The following ZNF831 variants were observed in gnomAD, a reference collection of about 807,000 sequenced individuals.
ZNF831 encodes zinc finger protein 831.
ZNF831 carries 59 observed loss-of-function variants against 95.8 expected under a neutral mutation model. The ratio of observed to expected loss-of-function variants is 0.62; its 90% confidence interval spans 0.50 to 0.77. The LOEUF (loss-of-function observed/expected upper bound fraction) is 0.77, where lower values mean the gene tolerates loss of function less well. Ranked by LOEUF, ZNF831 falls within the 30% of genes least tolerant of loss-of-function variation. The probability of loss-of-function intolerance (pLI) is 0.00; values close to 1 mark genes in which losing one functional copy is unlikely to be tolerated. For synonymous variants in ZNF831, 961 were observed against 925.5 expected (o/e 1.04, Z -0.70); for missense variants, 2,205 against 2,164.0 (o/e 1.02, Z -0.38).
chr20:59,191,194 C>A lies in ZNF831; in HGVS notation c.175C>A (p.Pro59Thr). 6.3e-7 allele frequency: 1 copy of A among 1,592,706 alleles called. No homozygotes were observed. The highest frequency in any genetic ancestry group is 8.5e-7 in the Non-Finnish European group (1 of 1,172,620). Residue 59 changes from proline (P) to threonine (T), a missense_variant, in exon 2 of 6, where the codon CCC becomes ACC. By Grantham distance (38) the Pro-to-Thr change is conservative (BLOSUM62 -1). Coordinates refer to ENST00000371030, the MANE Select transcript of ZNF831 (RefSeq NM_178457.3). Reference protein sequence around the residue: ...APPTVFLKALPIPLYHTVPPG... With the variant: ...APPTVFLKALTIPLYHTVPPG... ...CCCCACTGTGTTCCTGAAGGCCCTG[C>A]CCATCCCACTGTACCACACGGTGCC... is the stretch of plus-strand genomic sequence containing the variant.
chr20:59,258,484 T>A lies in ZNF831; in HGVS notation c.*3741T>A, dbSNP rs553141000. 1.3e-5 allele frequency: 2 copies of A among 152,754 alleles called. No individual in the cohort carries two copies. The highest frequency in any genetic ancestry group is 4.8e-5 in the African/African-American group (2 of 41,572). 9.5% of individuals were successfully genotyped at this position (152,754 alleles called of 1,614,324 possible). On this transcript the variant is annotated 3_prime_UTR_variant, in exon 6 of 6. Coordinates refer to ENST00000371030, the MANE Select transcript of ZNF831 (RefSeq NM_178457.3). ...CACAGAATTTGCCTGGTGCAGCAGATCTTTATAGTTATGGAAACTGTCATC... is the reference window on the plus strand; with the variant it reads ...CACAGAATTTGCCTGGTGCAGCAGAACTTTATAGTTATGGAAACTGTCATC...
rs2146545877 is a variant in ZNF831, at chr20:59,191,310, T to A, written c.291T>A (p.Pro97=). Residue 97 remains proline, a synonymous_variant, in exon 2 of 6, where the codon CCT becomes CCA. Transcript: ENST00000371030. ...VPFILSPVLQ[P]EGPGPTQVGK... ...TCATACTCAGCCCTGTGCTGCAGCC[T>A]GAAGGGCCTGGCCCCACCCAGGTGG... is the stretch of plus-strand genomic sequence containing the variant. The A allele has an allele frequency of 6.3e-7, 1 of 1,595,030 alleles. No homozygotes were observed. Among genetic ancestry groups the A allele is most frequent in the Non-Finnish European group, 8.5e-7 (1 of 1,170,882 alleles).
chr20:59,161,308 C>T (rs536403690), upstream of ZNF831, among the ~76,000 whole-genome samples: 173 of 152,096 alleles, frequency 1.1e-3, no homozygotes, highest in Non-Finnish European at 2.0e-3. Context: ...GATGGAGTCC[C>T]GCTCTGTAGT....
intron 4 of ZNF831, among the ~76,000 whole-genome samples, chr20:59,245,356 A>G (rs1471836914): frequency 1.3e-5 from 2 of 152,166 alleles, no homozygotes; most frequent in Non-Finnish European, 2.9e-5. Flanking sequence ...AGTTGGCTGG[A>G]GCTAGGGGTC....
Position 59,257,509 on chromosome 20 carries a change from G to A in ZNF831, c.*2766G>A, listed in dbSNP as rs537037098. On this transcript the variant is annotated 3_prime_UTR_variant, in exon 6 of 6. Coordinates refer to ENST00000371030, the MANE Select transcript of ZNF831 (RefSeq NM_178457.3). ...TTCTTAAAGTGAAATACAATTATAA[G>A]AATACATTTTAAGGGTAACATTAAC... 6.6e-6 allele frequency: 1 copy of A among 152,046 alleles called. No homozygotes were observed. The highest frequency in any genetic ancestry group is 2.1e-4 in the South Asian group (1 of 4,814). 9.4% of individuals were successfully genotyped at this position (152,046 alleles called of 1,614,324 possible).
chr20:59,136,957 G>C (rs1020109236), intron 1 of ZNF831, among the ~76,000 whole-genome samples: 1 of 152,168 alleles, frequency 6.6e-6, no homozygotes, highest in Non-Finnish European at 1.5e-5. Flanking sequence ...AAGGGAAGGG[G>C]TGCATCCACC....
chr20:59,200,516 A>C (rs1216878476), intron 3 of ZNF831, among the ~76,000 whole-genome samples: 1 of 152,176 alleles, frequency 6.6e-6, no homozygotes, highest in Non-Finnish European at 1.5e-5. Flanking sequence ...TAAAACATAC[A>C]ATTAAATAAA....
In ZNF831 at chr20:59,191,412, G is replaced by T. The variant is rs200287773; in HGVS notation, c.393G>T (p.Thr131=). 5.9e-4 allele frequency: 950 copies of T among 1,611,016 alleles called. 2 individuals carry two copies. The highest frequency in any genetic ancestry group is 7.6e-4 in the Non-Finnish European group (899 of 1,179,072). The part of the protein sequence containing the change: ...LPVLSPGLGP[T]LGSPGKVRNA... The stretch of plus-strand genomic sequence containing the variant: ...TCCTGTCGCCGGGCCTGGGCCCCAC[G>T]CTGGGCAGCCCAGGCAAGGTGCGGA... Residue 131 remains threonine (T), a synonymous_variant, in exon 2 of 6, where the codon ACG becomes ACT. Transcript: ENST00000371030.
At chr20:59,134,374 C>T (rs1264531052) in intron 1 of ZNF831, among the ~76,000 whole-genome samples, 1 of 152,174 alleles carries the variant, frequency 6.6e-6, no homozygotes, top group Non-Finnish European at 1.5e-5. Context: ...TCACCCAGCA[C>T]CAAGGACAGT....
upstream of ZNF831, among the ~76,000 whole-genome samples, chr20:59,159,466 A>C (rs1166817321): frequency 1.3e-5 from 2 of 152,176 alleles, no homozygotes; most frequent in African/African-American, 4.8e-5. Context: ...AACATCGCTG[A>C]GGTGGCCCTG....
At chr20:59,247,007 T>C (rs1600684219) in intron 4 of ZNF831, among the ~76,000 whole-genome samples, 1 of 152,222 alleles carries the variant, frequency 6.6e-6, no homozygotes, top group South Asian at 2.1e-4. Context: ...CTTCCATCAT[T>C]TTTAGCCATT....
chr20:59,189,144 G>A (rs950010308), intron 1 of ZNF831, among the ~76,000 whole-genome samples: 1 of 151,228 alleles, frequency 6.6e-6, no homozygotes, highest in Non-Finnish European at 1.5e-5. Flanking sequence ...TCGCACCACT[G>A]CACTCCAGCC....
In ZNF831 at chr20:59,193,227, C is replaced by G. The variant is rs938367536; in HGVS notation, c.2208C>G (p.Gly736=). ...CTGTGTCATCCCCTGCACTGGGTGG[C>G]AGAGACAGTCCCTGTTCAGGCAGTA... is the stretch of plus-strand genomic sequence containing the variant. The part of the protein sequence containing the change: ...EEAVSSPALG[G]RDSPCSGSRS... Residue 736 remains glycine, a synonymous_variant, in exon 2 of 6, where the codon GGC becomes GGG. Coordinates refer to ENST00000371030, the MANE Select transcript of ZNF831 (RefSeq NM_178457.3). 6.3e-7 allele frequency: 1 copy of G among 1,595,600 alleles called. No homozygotes were observed. Among genetic ancestry groups the G allele is most frequent in the Non-Finnish European group, 8.5e-7 (1 of 1,170,958 alleles).
intron 1 of ZNF831, among the ~76,000 whole-genome samples, chr20:59,184,407 C>A (rs1055213628): frequency 1.3e-5 from 2 of 152,108 alleles, no homozygotes; most frequent in African/African-American, 2.4e-5. Context: ...TCCTCCCTCC[C>A]CCCTTTTTTT....
At chr20:59,249,020 CT>C (rs1173103680) in intron 4 of ZNF831, among the ~76,000 whole-genome samples, 3 of 152,238 alleles carry the variant, frequency 2.0e-5, no homozygotes, top group Non-Finnish European at 1.5e-5. Context: ...CATCTTGCCC[CT>C]GCCCCTGCAT....
At position 59,193,570 on chromosome 20, in the gene ZNF831, G is replaced by A. The variant is rs776164778; in HGVS notation, c.2551G>A (p.Ala851Thr). 8.7e-6 allele frequency: 14 copies of A among 1,608,330 alleles called. 1 individual carries two copies. The South Asian group carries it at 1.4e-4, about 17-fold the overall frequency. ...GACCCCAGGTGGGCCCACGCAGCCT[G>A]CCTCTTTGTCATCCCAGAAGCAGGA... Reference protein sequence around the residue: ...AETPGGPTQPASLSSQKQDAD... With the variant: ...AETPGGPTQPTSLSSQKQDAD... The change falls in exon 2 of 6, where the codon GCC becomes ACC. Residue 851 changes from alanine (A) to threonine (T), a missense_variant. Ala to Thr is a moderately conservative substitution (Grantham distance 58). Coordinates refer to ENST00000371030, the MANE Select transcript of ZNF831 (RefSeq NM_178457.3).
At chr20:59,195,390 G>A (rs913397286) in intron 2 of ZNF831, among the ~76,000 whole-genome samples, 7 of 152,202 alleles carry the variant, frequency 4.6e-5, no homozygotes, top group African/African-American at 1.7e-4. Context: ...CACTGAGGAC[G>A]GTCCTGGAGG....
intron 1 of ZNF831, among the ~76,000 whole-genome samples, chr20:59,186,773 C>T (rs902476461): frequency 2.0e-5 from 3 of 152,114 alleles, no homozygotes; most frequent in Non-Finnish European, 2.9e-5. Context: ...ACAATTAGAA[C>T]GTCTCAGATT....
chr20:59,230,558 A>T (rs1316488406), intron 4 of ZNF831, among the ~76,000 whole-genome samples: 2 of 152,276 alleles, frequency 1.3e-5, no homozygotes, highest in Non-Finnish European at 2.9e-5. Flanking sequence ...TTATTTAAAG[A>T]TAAATGGACA....
Sources: gnomAD v4.1 joint callset for allele counts (sites outside exome capture counted in the v4.1 genomes callset) on GRCh38, gnomAD v4.1.1 for gene constraint, MANE v1.5 for transcripts, NCBI Gene and HGNC (gene_info 2026-07-23, HGNC 2026-07-21) for gene names.